Variants in ALG5 observed in about 807,000 individuals in gnomAD.
ALG5 encodes ALG5 dolichyl-phosphate beta-glucosyltransferase.
In ALG5, 26 loss-of-function variants were observed where a neutral mutation model predicts 51.8. The ratio of observed to expected loss-of-function variants is 0.50; its 90% CI spans 0.37 to 0.70. The LOEUF is 0.70. Among genes scored for constraint, ALG5 ranks in the 30% least tolerant of loss-of-function variants. The probability of loss-of-function intolerance (pLI) is 0.00; values close to 1 mark genes in which losing one functional copy is unlikely to be tolerated. For missense variants in ALG5, 311 were observed against 399.3 expected (o/e 0.78, Z 1.88); for synonymous variants, 141 against 136.1 (o/e 1.04, Z -0.25).
At chr13:36,995,667 G>C in intron 1 of ALG5, 71 bp from the exon 2 acceptor site, 1 of 1,362,916 alleles carries the variant, frequency 7.3e-7, no homozygotes, top group Non-Finnish European at 1.0e-6. Context: ...ATTTATGTTA[G>C]AATACATCAT....
rs2058822483 is a variant in ALG5 at position 36,952,420 on chromosome 13, T to C, written c.859+94A>G. The C allele has an allele frequency of 7.3e-6, 6 of 824,280 alleles. No homozygotes were observed. The South Asian group carries it at 8.4e-5, about 12-fold the overall frequency. The allele number at this position is 824,280 out of a possible 1,614,324, so 51.1% of individuals were successfully genotyped here. ...GTCAAGACAGCTGAGAAGGGCTTGA[T>C]GAGGGGAGCAAGGAGAACATTAAAG... On this transcript the variant is annotated intron_variant, in intron 9 of 9. Coordinates refer to ENST00000239891, the MANE Select transcript of ALG5 (RefSeq NM_013338.5).
intron 5 of ALG5, among the ~76,000 whole-genome samples, chr13:36,986,112 T>C (rs774971491): frequency 3.3e-5 from 5 of 152,202 alleles, no homozygotes; most frequent in Admixed American, 6.5e-5. Flanking sequence ...TACGGGCTAC[T>C]TAGAACCACA....
At chr13:36,993,581 A>T (rs750997369) in intron 4 of ALG5, 23 bp downstream of exon 4, 16 of 1,597,970 alleles carry the variant, frequency 1.0e-5, no homozygotes, top group Non-Finnish European at 1.4e-5. Context: ...ACTATTGTCA[A>T]TTCTAAAAGC....
At chr13:36,972,715 G>A (rs768111242) in intron 6 of ALG5, among the ~76,000 whole-genome samples, 20 of 152,104 alleles carry the variant, frequency 1.3e-4, no homozygotes, top group Non-Finnish European at 2.1e-4. Flanking sequence ...GCTTCTGGCC[G>A]GGCGTGGTGG....
chr13:36,970,556 C>T (rs757714516), intron 7 of ALG5, among the ~76,000 whole-genome samples: 3 of 151,384 alleles, frequency 2.0e-5, no homozygotes, highest in South Asian at 4.2e-4. Flanking sequence ...GCCGAGATTG[C>T]GCCACTGCAC....
rs770401509 is a variant in ALG5, at chr13:36,995,533, T to C, written c.130A>G (p.Lys44Glu). Residue 44 changes from lysine (K) to glutamate (E), a missense_variant, in exon 2 of 10, where the codon AAA becomes GAA. Coordinates refer to ENST00000239891, the MANE Select transcript of ALG5 (RefSeq NM_013338.5). ...MPALHRHEEE[K>E]FFLNAKGQKE... ...TGGCCTTTGGCATTTAAGAAGAATT[T>C]CTCTTCTTCATGTCGATGGAGTGCT... is the stretch of plus-strand genomic sequence containing the variant. 1.2e-5 allele frequency: 19 copies of C among 1,603,422 alleles called. No homozygotes were observed. The highest frequency in any genetic ancestry group is 1.7e-4 in the Middle Eastern group (1 of 6,054).
At chr13:36,968,383 A>C (rs138640870) in intron 7 of ALG5, among the ~76,000 whole-genome samples, 1 of 152,366 alleles carries the variant, frequency 6.6e-6, no homozygotes, top group East Asian at 1.9e-4. Flanking sequence ...AGAAGTTCAA[A>C]GAAGTCCCAG....
At chr13:36,952,814 A>G in intron 8 of ALG5, 1 of 353,376 alleles carries the variant, frequency 2.8e-6, no homozygotes, top group Non-Finnish European at 5.0e-6. Flanking sequence ...ATAATATTGT[A>G]TCTCTATTAC....
At chr13:36,957,436 G>A (rs953392211) in intron 8 of ALG5, among the ~76,000 whole-genome samples, 4 of 152,052 alleles carry the variant, frequency 2.6e-5, no homozygotes, top group Non-Finnish European at 4.4e-5. Flanking sequence ...ACTTCCCTGA[G>A]GCTTACAGAG....
intron 8 of ALG5, among the ~76,000 whole-genome samples, chr13:36,955,234 C>A (rs905732994): frequency 6.6e-6 from 1 of 152,220 alleles, no homozygotes; most frequent in Non-Finnish European, 1.5e-5. Context: ...GACTTTCTCA[C>A]ACGTAGCTCT....
At chr13:36,966,029 G>C (rs1334382001) in intron 7 of ALG5, among the ~76,000 whole-genome samples, 2 of 152,196 alleles carry the variant, frequency 1.3e-5, no homozygotes, top group Non-Finnish European at 2.9e-5. Flanking sequence ...CTGTGAGCAA[G>C]GAGAACGTCT....
chr13:36,975,846 C>T (rs1286067590), intron 6 of ALG5, among the ~76,000 whole-genome samples: 1 of 151,934 alleles, frequency 6.6e-6, no homozygotes, highest in Non-Finnish European at 1.5e-5. Context: ...CATAGCGAAA[C>T]CCCATCTCTA....
chr13:36,964,642 G>A (rs2058883959), intron 8 of ALG5, among the ~76,000 whole-genome samples: 1 of 152,182 alleles, frequency 6.6e-6, no homozygotes, highest in Admixed American at 6.5e-5. Context: ...GTGGCTAGAT[G>A]TTAAGATGAA....
chr13:36,989,547 T>C lies in ALG5; in HGVS notation c.384A>G (p.Gly128=), dbSNP rs755637516. The C allele has an allele frequency of 6.2e-7, 1 of 1,612,610 alleles. No homozygotes were observed. Among genetic ancestry groups the C allele is most frequent in the Non-Finnish European group, 8.5e-7 (1 of 1,179,100 alleles). ...KVAFKYCQKY[G]SDKVRVITLV... The stretch of plus-strand genomic sequence containing the variant: ...GGGTTATCACACGTACTTTGTCACT[T>C]CCATATTTCTGGCAATATTTAAAAG... Residue 128 remains glycine (G), a synonymous_variant, in exon 5 of 10, where the codon GGA becomes GGG. Coordinates refer to ENST00000239891, the MANE Select transcript of ALG5 (RefSeq NM_013338.5).
intron 8 of ALG5, among the ~76,000 whole-genome samples, chr13:36,956,395 T>C (rs1332244551): frequency 6.6e-6 from 1 of 152,164 alleles, no homozygotes. Flanking sequence ...TAAATTAGTA[T>C]AGTGATTATG....
At chr13:36,996,321 G>A (rs1463473902) in intron 1 of ALG5, among the ~76,000 whole-genome samples, 2 of 152,112 alleles carry the variant, frequency 1.3e-5, no homozygotes, top group Non-Finnish European at 2.9e-5. Context: ...TTTTTGGAAT[G>A]CTATTCATTT....
chr13:36,956,735 G>A (rs1327565271), intron 8 of ALG5, among the ~76,000 whole-genome samples: 2 of 152,106 alleles, frequency 1.3e-5, no homozygotes, highest in Admixed American at 6.6e-5. Context: ...CCTCTGGTCC[G>A]TGTTTGTTAC....
At chr13:36,961,786 G>T (rs770439502) in intron 8 of ALG5, among the ~76,000 whole-genome samples, 5 of 151,976 alleles carry the variant, frequency 3.3e-5, no homozygotes, top group African/African-American at 4.8e-5. Context: ...AAGAGATACT[G>T]AGAGTCTTTT....
intron 6 of ALG5, among the ~76,000 whole-genome samples, chr13:36,984,205 C>T (rs574549309): frequency 6.6e-6 from 1 of 151,356 alleles, no homozygotes; most frequent in Admixed American, 6.6e-5. Context: ...CTCAAATGAT[C>T]CTCCTGCCTC....
Sources: gnomAD v4.1 joint callset for allele counts (sites outside exome capture counted in the v4.1 genomes callset) on GRCh38, gnomAD v4.1.1 for gene constraint, MANE v1.5 for transcripts, NCBI Gene and HGNC (gene_info 2026-07-23, HGNC 2026-07-21) for gene names.